SLIT3: variants seen among roughly 807,000 people sequenced by gnomAD.
SLIT3 encodes the protein slit homolog 3 protein.
SLIT3 carries 68 observed loss-of-function variants against 184.0 expected under a neutral mutation model. The ratio of observed to expected loss-of-function variants is 0.37; its 90% CI spans 0.30 to 0.45. The LOEUF (loss-of-function observed/expected upper bound fraction) is 0.45, where lower values mean the gene tolerates loss of function less well. SLIT3 is among the 20% of genes least tolerant of loss of function. The pLI is 1.00. For synonymous variants in SLIT3, 831 were observed against 828.6 expected, an observed-to-expected ratio of 1.00 and a Z score of -0.05; for missense variants, 1,707 against 2,026.0, an observed-to-expected ratio of 0.84 and a Z score of 3.02.
intron 4 of SLIT3, among the ~76,000 whole-genome samples, chr5:168,992,588 A>G (rs1755365494): frequency 1.3e-5 from 2 of 152,212 alleles, no homozygotes; most frequent in Non-Finnish European, 2.9e-5. Flanking sequence ...GAACCACAGC[A>G]TAAAAATGGA....
At chr5:168,984,064 T>TATA (rs35952279) in intron 4 of SLIT3, among the ~76,000 whole-genome samples, 1 of 124,136 alleles carries the variant, frequency 8.1e-6, no homozygotes, top group Non-Finnish European at 1.7e-5. Flanking sequence ...TATATATATA[T>TATA]TTTTTTTAAT....
rs1296834824 is a variant in SLIT3, at chr5:169,300,427, G to C, written c.197+86C>G. ...AATAGAGACTGCATCCAGGGAGGCCGAGGGGAAAGGACGGATCTGGCGCCT... is the reference window on the plus strand; with the variant it reads ...AATAGAGACTGCATCCAGGGAGGCCCAGGGGAAAGGACGGATCTGGCGCCT... On this transcript the variant is annotated intron_variant, in intron 1 of 35. Transcript: ENST00000519560. This position sits in a 1 kb window ranked among gnomAD's most constrained non-coding sequence, Gnocchi z 4.1. 2.2e-6 allele frequency: 3 copies of C among 1,362,206 alleles called. No individual in the cohort carries two copies. The highest frequency in any genetic ancestry group is 2.8e-6 in the Non-Finnish European group (3 of 1,059,720). The allele number at this position is 1,362,206 out of a possible 1,614,324, so 84.4% of individuals were successfully genotyped here.
At chr5:168,877,864 A>AG (rs1561982595) in intron 5 of SLIT3, among the ~76,000 whole-genome samples, 1 of 71,184 alleles carries the variant, frequency 1.4e-5, no homozygotes, top group Non-Finnish European at 3.7e-5. Context: ...GGGGACATTT[A>AG]AAAAAAAACA....
At chr5:169,093,507 G>A (rs1759665519) in intron 4 of SLIT3, among the ~76,000 whole-genome samples, 1 of 152,096 alleles carries the variant, frequency 6.6e-6, no homozygotes, top group African/African-American at 2.4e-5. Flanking sequence ...GATTGGCCCA[G>A]GTCTGGCTTG....
chr5:169,182,211 G>T (rs969517594), intron 4 of SLIT3, among the ~76,000 whole-genome samples: 2 of 152,202 alleles, frequency 1.3e-5, no homozygotes, highest in African/African-American at 4.8e-5. Context: ...GAAACATCAT[G>T]AATAAAACAT....
rs184564242 is a variant in SLIT3, at chr5:169,113,080, A to G, written c.413+80399T>C. Among the ~76,000 whole-genome samples, 16 of 152,236 alleles carry G rather than the reference A, an allele frequency of 1.1e-4. No individual in the cohort carries two copies. The East Asian group carries it at 2.5e-3, about 24-fold the overall frequency. On this transcript the variant is annotated intron_variant, in intron 4 of 35. Transcript: ENST00000519560. The stretch of plus-strand genomic sequence containing the variant: ...TGAAGTGTACATAGCATCAAATTTA[A>G]CATCTTAATGGCGTTCAAGTGTACA...
chr5:169,172,405 A>G (rs1284233101), intron 4 of SLIT3, among the ~76,000 whole-genome samples: 7 of 152,198 alleles, frequency 4.6e-5, no homozygotes, highest in Non-Finnish European at 1.5e-5. Flanking sequence ...CATCCAAAAC[A>G]CAGTCTATAG....
chr5:168,708,099 C>T lies in SLIT3; in HGVS notation c.2721G>A (p.Gly907=). ...TTPTHRFQCK[G]PVDINIVAKC... The stretch of plus-strand genomic sequence containing the variant: ...TGGCCACAATGTTGATGTCCACTGG[C>T]CCTGGGCAGCAAAACCAGAGTACTG... The change falls in exon 26 of 36, where the codon GGG becomes GGA. Residue 907 remains glycine, a splice_region_variant and synonymous_variant. Transcript: ENST00000519560. 6.2e-7 allele frequency: 1 copy of T among 1,614,192 alleles called. No individual in the cohort carries two copies. Among genetic ancestry groups the T allele is most frequent in the African/African-American group, 1.3e-5 (1 of 75,050 alleles).
chr5:168,887,162 A>T (rs1760252062), intron 4 of SLIT3, among the ~76,000 whole-genome samples: 1 of 151,934 alleles, frequency 6.6e-6, no homozygotes, highest in Admixed American at 6.6e-5. Context: ...TTGTTCTTGG[A>T]GGAGCAGAGA....
chr5:169,227,504 T>G (rs1423155888), intron 3 of SLIT3, among the ~76,000 whole-genome samples: 1 of 152,228 alleles, frequency 6.6e-6, no homozygotes, highest in Non-Finnish European at 1.5e-5. Context: ...CTTGGCTTAC[T>G]GCAACCTCCC....
chr5:169,030,422 T>C (rs1199240619), intron 4 of SLIT3: 1 of 152,228 alleles, frequency 6.6e-6, no homozygotes, highest in Non-Finnish European at 1.5e-5. Flanking sequence ...TTTTGTGACC[T>C]ACCAAACTGG....
At chr5:168,766,979 G>C (rs1382451322) in intron 14 of SLIT3, among the ~76,000 whole-genome samples, 1 of 152,216 alleles carries the variant, frequency 6.6e-6, no homozygotes, top group Non-Finnish European at 1.5e-5. Flanking sequence ...CAGCTGGGAA[G>C]GTGGGTATTA....
chr5:168,963,484 C>T (rs1476887736), intron 4 of SLIT3, among the ~76,000 whole-genome samples: 2 of 152,212 alleles, frequency 1.3e-5, no homozygotes, highest in Non-Finnish European at 2.9e-5. Context: ...ATGCTCATTT[C>T]TTTACAGAGT....
chr5:169,062,665 C>T (rs1368057130), intron 4 of SLIT3, among the ~76,000 whole-genome samples: 1 of 152,200 alleles, frequency 6.6e-6, no homozygotes, highest in Non-Finnish European at 1.5e-5. Flanking sequence ...TTCATTTACT[C>T]ATGTGTTTGG....
intron 28 of SLIT3, among the ~76,000 whole-genome samples, chr5:168,694,349 C>A (rs1761991496): frequency 6.6e-6 from 1 of 152,196 alleles, no homozygotes; most frequent in South Asian, 2.1e-4. Flanking sequence ...TTCTTCTTGA[C>A]CAATGACTCA....
intron 18 of SLIT3, among the ~76,000 whole-genome samples, chr5:168,750,439 T>C (rs932714986): frequency 6.6e-6 from 1 of 152,206 alleles, no homozygotes; most frequent in Non-Finnish European, 1.5e-5. Flanking sequence ...GGAGCTTATT[T>C]AAGCGGGACA....
chr5:169,053,978 C>A (rs1202169123), intron 4 of SLIT3, among the ~76,000 whole-genome samples: 4 of 152,004 alleles, frequency 2.6e-5, no homozygotes, highest in Admixed American at 1.3e-4. Flanking sequence ...GTAATCCCAG[C>A]TACTCGGGAA....
At chr5:168,675,631 T>G (rs751398246) in intron 32 of SLIT3, among the ~76,000 whole-genome samples, 1 of 151,996 alleles carries the variant, frequency 6.6e-6, no homozygotes, top group African/African-American at 2.4e-5. Flanking sequence ...AGCTGGGAGG[T>G]TGAGGCAGGA....
intron 4 of SLIT3, among the ~76,000 whole-genome samples, chr5:169,182,597 A>G (rs1283265569): frequency 6.6e-6 from 1 of 152,206 alleles, no homozygotes; most frequent in Non-Finnish European, 1.5e-5. Context: ...TGAAAATGAG[A>G]GATAATTAGG....
Sources: allele counts gnomAD v4.1 joint callset (sites outside exome capture counted in the v4.1 genomes callset), GRCh38; gene constraint gnomAD v4.1.1; non-coding constraint Gnocchi (gnomAD v3.1); transcripts MANE v1.5; gene names NCBI Gene and HGNC (gene_info 2026-07-23, HGNC 2026-07-21).